RYR3: variants seen among roughly 807,000 people sequenced by gnomAD.
RYR3 encodes brain ryanodine receptor-calcium release channel.
A neutral mutation model predicts 584.3 loss-of-function variants in RYR3; 207 were observed. That is an observed-to-expected ratio of 0.35 (90% confidence interval 0.32 to 0.40). The LOEUF is 0.40. RYR3 is among the 10% of genes least tolerant of loss of function. The probability of loss-of-function intolerance (pLI) is 1.00; values close to 1 mark genes in which losing one functional copy is unlikely to be tolerated. For synonymous variants in RYR3, 2,416 were observed against 2,248.5 expected, an observed-to-expected ratio of 1.07 and a Z score of -2.11; for missense variants, 5,616 against 6,089.2, an observed-to-expected ratio of 0.92 and a Z score of 2.59.
chr15:33,348,159 C>T lies in RYR3; in HGVS notation c.51+37063C>T, dbSNP rs552480282. Among the ~76,000 whole-genome samples the T allele has an allele frequency of 4.6e-5, 7 of 152,282 alleles. No individual in the cohort carries two copies. The South Asian group carries it at 1.5e-3, about 32-fold the overall frequency. ...CCTTTGCTTATCTATAAATTCTACT[C>T]CCGCAGTGAGAAACCTGTCTCACAC... is the stretch of plus-strand genomic sequence containing the variant. On this transcript the variant is annotated intron_variant, in intron 1 of 103. Coordinates refer to ENST00000634891, the MANE Select transcript of RYR3 (RefSeq NM_001036.6).
chr15:33,615,209 G>T (rs1302503248), intron 19 of RYR3, among the ~76,000 whole-genome samples: 3 of 152,160 alleles, frequency 2.0e-5, no homozygotes, highest in African/African-American at 7.2e-5. Context: ...GTCATGGCAG[G>T]AGGAGAGTTG....
chr15:33,433,476 A>G (rs1339474635), intron 1 of RYR3, among the ~76,000 whole-genome samples: 7 of 152,214 alleles, frequency 4.6e-5, no homozygotes, highest in Non-Finnish European at 8.8e-5. Flanking sequence ...ATATAAGATG[A>G]CATAGAAGTA....
At position 33,812,992 on chromosome 15, in the gene RYR3, C is replaced by T. The variant is rs1435340319; in HGVS notation, c.10387C>T (p.Gln3463Ter). The change falls in exon 73 of 104, where the codon CAG (glutamine) becomes TAG (stop). Residue 3463 changes from glutamine (Q) to a stop codon, truncating the protein, a stop_gained and splice_region_variant. Coordinates refer to ENST00000634891, the MANE Select transcript of RYR3 (RefSeq NM_001036.6). LOFTEE classifies it high-confidence loss of function. ...RISAAVFHLE[Q>*]VEQPLRSKKA... Reference sequence around the variant, plus strand: ...TTCAGCAGCTGTCTTCCACCTGGAACAGGTAAGGAGCATCTGCCCTGAGGA... The same window carrying T: ...TTCAGCAGCTGTCTTCCACCTGGAATAGGTAAGGAGCATCTGCCCTGAGGA... 6.2e-7 allele frequency: 1 copy of T among 1,613,976 alleles called. No individual in the cohort carries two copies. Among genetic ancestry groups the T allele is most frequent in the Non-Finnish European group, 8.5e-7 (1 of 1,179,864 alleles).
In RYR3 at chr15:33,738,566, G is replaced by C. The variant is rs115185294; in HGVS notation, c.7632G>C (p.Gly2544=). The C allele has an allele frequency of 3.1e-6, 5 of 1,613,812 alleles. No individual in the cohort carries two copies. Among genetic ancestry groups the C allele is most frequent in the African/African-American group, 1.3e-5 (1 of 74,896 alleles). Residue 2544 remains glycine (G), a synonymous_variant, in exon 50 of 104, where the codon GGG becomes GGC. Transcript: ENST00000634891. ...ACCTAACGGAGAAGCTTTTCTGGGG[G>C]ATTTTTGACTCGCTCTCCCATAAGG... The part of the protein sequence containing the change: ...ELHLTEKLFW[G]IFDSLSHKKY...
intron 38 of RYR3, among the ~76,000 whole-genome samples, chr15:33,685,322 A>C (rs1457760519): frequency 6.6e-6 from 1 of 152,214 alleles, no homozygotes; most frequent in African/African-American, 2.4e-5. Context: ...CAGACTTTAA[A>C]CCAACAAAGA....
chr15:33,672,930 C>A (rs1021295752), intron 38 of RYR3, among the ~76,000 whole-genome samples: 18 of 152,162 alleles, frequency 1.2e-4, no homozygotes, highest in African/African-American at 4.3e-4. Context: ...TCTACCCTTA[C>A]CCGTTCCAGA....
intron 61 of RYR3, 35 bp from the exon 62 acceptor site, chr15:33,769,077 T>C: frequency 6.5e-7 from 1 of 1,542,602 alleles, no homozygotes; most frequent in Non-Finnish European, 9.0e-7. Flanking sequence ...GGCTGAGTGG[T>C]TTGAGGGAAT....
intron 60 of RYR3, among the ~76,000 whole-genome samples, chr15:33,758,997 C>A (rs2072156266): frequency 6.6e-6 from 1 of 152,164 alleles, no homozygotes; most frequent in Admixed American, 6.5e-5. Flanking sequence ...GATACCCAGG[C>A]AAACAGGGTC....
At chr15:33,410,435 T>G (rs1281019198) in intron 1 of RYR3, among the ~76,000 whole-genome samples, 1 of 152,264 alleles carries the variant, frequency 6.6e-6, no homozygotes, top group Non-Finnish European at 1.5e-5. Context: ...AATGATTTGT[T>G]ACAAGTTTAG....
chr15:33,763,550 C>T (rs189635014), intron 60 of RYR3, among the ~76,000 whole-genome samples: 20 of 152,234 alleles, frequency 1.3e-4, no homozygotes, highest in African/African-American at 3.9e-4. Flanking sequence ...ACATGCAAAT[C>T]AAAGCCACAA....
Position 33,601,530 on chromosome 15 carries a change from C to T in RYR3, c.1900C>T (p.Arg634Ter), listed in dbSNP as rs780640652. ...LPRRNLLLQT[R>*]LINDVTSIRP... Reference sequence around the variant, plus strand: ...CCGGAGAAACCTACTCCTGCAGACACGACTGATTAACGATGTAACCAGGTA... The same window carrying T: ...CCGGAGAAACCTACTCCTGCAGACATGACTGATTAACGATGTAACCAGGTA... The change falls in exon 17 of 104, where the codon CGA becomes TGA. Residue 634 changes from arginine (R) to a stop codon, truncating the protein, a stop_gained. Transcript: ENST00000634891. LOFTEE classifies it high-confidence loss of function. 13 of 1,613,662 alleles carry T rather than the reference C, an allele frequency of 8.1e-6. No individual in the cohort carries two copies. Among genetic ancestry groups the T allele is most frequent in the South Asian group, 2.2e-5 (2 of 91,014 alleles).
chr15:33,433,822 G>A (rs972834667), intron 1 of RYR3, among the ~76,000 whole-genome samples: 1 of 152,174 alleles, frequency 6.6e-6, no homozygotes, highest in Admixed American at 6.5e-5. Flanking sequence ...ATATTTTTAA[G>A]TAAACTGATG....
At position 33,818,615 on chromosome 15, in the gene RYR3, CAG is replaced by C; in HGVS notation, c.10639_10640del (p.Glu3547LysfsTer4). The C allele has an allele frequency of 6.2e-7, 1 of 1,613,932 alleles. No homozygotes were observed. The highest frequency in any genetic ancestry group is 8.5e-7 in the Non-Finnish European group (1 of 1,179,848). On this transcript the variant is annotated frameshift_variant, in exon 76 of 104. Coordinates refer to ENST00000634891, the MANE Select transcript of RYR3 (RefSeq NM_001036.6). LOFTEE classifies it high-confidence loss of function. ...GTGGAAGAGGAGGAGGAGGAAGAGA[CAG>C]AAAAACAACCTGACCCACTACATCA...
rs66742049 is a variant in RYR3 at position 33,460,940 on chromosome 15, CTTT to C, written c.52-12459_52-12457del. 4.9e-4 allele frequency among the ~76,000 whole-genome samples: 39 copies of C among 79,208 alleles called. 1 individual carries two copies. The highest frequency in any genetic ancestry group is 0.013 in the Middle Eastern group (1 of 80). 52.0% of individuals were successfully genotyped at this position (79,208 alleles called of 152,430 possible). A position where few individuals can be genotyped will look rare whatever the true frequency, so the allele number is the denominator to read the frequency against. On this transcript the variant is annotated intron_variant, in intron 1 of 103. Transcript: ENST00000634891. ...GGAATTTGTGGCACATAATATCCAC[CTTT>C]TTTTTTTTTTTTTTTTTTTAAGACG...
In RYR3 at chr15:33,634,628, T is replaced by C. The variant is rs752015882; in HGVS notation, c.3070T>C (p.Leu1024=). ...KRNPRLVPYA[L]LDERTKKSNR... Reference sequence around the variant, plus strand: ...AAATCCCCGTCTGGTGCCATATGCATTACTGGATGAGCGTACCAAGAAGTC... The same window carrying C: ...AAATCCCCGTCTGGTGCCATATGCACTACTGGATGAGCGTACCAAGAAGTC... Residue 1024 remains leucine, a synonymous_variant, in exon 25 of 104, where the codon TTA becomes CTA. Coordinates refer to ENST00000634891, the MANE Select transcript of RYR3 (RefSeq NM_001036.6). 9 of 1,613,750 alleles carry C rather than the reference T, an allele frequency of 5.6e-6. No individual in the cohort carries two copies. The highest frequency in any genetic ancestry group is 7.6e-6 in the Non-Finnish European group (9 of 1,179,808).
At chr15:33,766,368 A>G (rs1182610024) in intron 60 of RYR3, among the ~76,000 whole-genome samples, 3 of 151,880 alleles carry the variant, frequency 2.0e-5, no homozygotes, top group Non-Finnish European at 4.4e-5. Context: ...CTAATTACTT[A>G]CTCTAAGTTA....
At chr15:33,663,955 G>C (rs942163443) in intron 36 of RYR3, among the ~76,000 whole-genome samples, 10 of 152,166 alleles carry the variant, frequency 6.6e-5, no homozygotes, top group Admixed American at 3.9e-4. Context: ...AACTGCACAC[G>C]TGGCAGGGCT....
chr15:33,746,797 T>TTTC (rs1344541139), intron 53 of RYR3, among the ~76,000 whole-genome samples: 2 of 121,158 alleles, frequency 1.7e-5, no homozygotes. Context: ...AATTTCTTTC[T>TTTC]TTCTTCTTTT....
At chr15:33,393,137 G>T (rs540697296) in intron 1 of RYR3, among the ~76,000 whole-genome samples, 1 of 152,184 alleles carries the variant, frequency 6.6e-6, no homozygotes, top group Admixed American at 6.5e-5. Flanking sequence ...TCTTTGACTC[G>T]GTTTTTGTGT....
Sources: allele counts gnomAD v4.1 joint callset (sites outside exome capture counted in the v4.1 genomes callset), GRCh38; gene constraint gnomAD v4.1.1; transcripts MANE v1.5; gene names NCBI Gene and HGNC (gene_info 2026-07-23, HGNC 2026-07-21).